Variants in ZNF800 observed in about 807,000 individuals in gnomAD.
ZNF800 encodes the protein zinc finger protein 800.
Under a neutral mutation model 59.5 loss-of-function variants are expected in ZNF800, and 13 were observed. The observed-to-expected ratio is 0.22, with a 90% CI of 0.14 to 0.35. The LOEUF (loss-of-function observed/expected upper bound fraction) is 0.35, where lower values mean the gene tolerates loss of function less well. Among genes scored for constraint, ZNF800 ranks in the 10% least tolerant of loss-of-function variants. ZNF800 has a pLI of 1.00. For missense variants in ZNF800, 621 were observed against 783.7 expected, an observed-to-expected ratio of 0.79 and a Z score of 2.48; for synonymous variants, 266 against 265.7, an observed-to-expected ratio of 1.00 and a Z score of -0.01.
At chr7:127,351,798 A>G (rs1800172829) in intron 1 of ZNF800, among the ~76,000 whole-genome samples, 2 of 152,214 alleles carry the variant, frequency 1.3e-5, no homozygotes, top group Admixed American at 1.3e-4. Context: ...TTCACACTCT[A>G]TGAGAAAGAA....
At chr7:127,386,402 G>A (rs571718921) in intron 2 of ZNF800, among the ~76,000 whole-genome samples, 32 of 152,086 alleles carry the variant, frequency 2.1e-4, no homozygotes, top group Non-Finnish European at 4.3e-4. Flanking sequence ...GCTACTTAAG[G>A]CTAGATATTA....
rs1288074045 is a variant in ZNF800, at chr7:127,392,135, T to TGGGAGGCGGCTGCGGGCCCCACCTGGCGC, written c.-163_-135dup. The TGGGAGGCGGCTGCGGGCCCCACCTGGCGC allele has an allele frequency of 7.6e-6, 3 of 393,950 alleles. No individual in the cohort carries two copies. The highest frequency in any genetic ancestry group is 2.1e-5 in the African/African-American group (1 of 48,244). The allele number at this position is 393,950 out of a possible 1,614,324, so 24.4% of individuals were successfully genotyped here. Reference sequence around the variant, plus strand: ...GGGCGGCCGCGGGGACAGCCTGGCGTGGGAGGCGGCTGCGGGCCCCACCTG... The same window carrying TGGGAGGCGGCTGCGGGCCCCACCTGGCGC: ...GGGCGGCCGCGGGGACAGCCTGGCGTGGGAGGCGGCTGCGGGCCCCACCTGGCGCGGGAGGCGGCTGCGGGCCCCACCTG... On this transcript the variant is annotated 5_prime_UTR_variant, in exon 1 of 6. Coordinates refer to ENST00000265827, the MANE Select transcript of ZNF800 (RefSeq NM_176814.5).
chr7:127,353,584 T>G (rs1800211798), intron 1 of ZNF800, among the ~76,000 whole-genome samples: 1 of 152,192 alleles, frequency 6.6e-6, no homozygotes, highest in Non-Finnish European at 1.5e-5. Flanking sequence ...CAGACAGAAT[T>G]ACCAAGTAAA....
intron 2 of ZNF800, among the ~76,000 whole-genome samples, chr7:127,390,409 G>A (rs1801273012): frequency 6.6e-6 from 1 of 152,164 alleles, no homozygotes; most frequent in Non-Finnish European, 1.5e-5. Flanking sequence ...GTACAGGTAA[G>A]TTATTACTGA....
chr7:127,355,325 T>C (rs1009673198), intron 1 of ZNF800, among the ~76,000 whole-genome samples: 5 of 152,034 alleles, frequency 3.3e-5, no homozygotes, highest in African/African-American at 9.7e-5. Context: ...ACAGGAAGAA[T>C]GGGGACAGGC....
At chr7:127,365,225 G>C (rs73455355), downstream of ZNF800, among the ~76,000 whole-genome samples, 878 of 152,146 alleles carry the variant, frequency 5.8e-3, 8 homozygotes, top group African/African-American at 0.02. Context: ...AGTAGCAATG[G>C]CAGAAGCTAG....
At chr7:127,389,265 A>G (rs532478175) in intron 2 of ZNF800, among the ~76,000 whole-genome samples, 1 of 152,318 alleles carries the variant, frequency 6.6e-6, no homozygotes, top group Non-Finnish European at 1.5e-5. Context: ...TGATGGTTAC[A>G]TCAAGTTCCT....
In ZNF800 at chr7:127,377,186, T is replaced by C; in HGVS notation, c.301A>G (p.Asn101Asp). The C allele has an allele frequency of 1.9e-6, 3 of 1,608,942 alleles. No individual in the cohort carries two copies. The highest frequency in any genetic ancestry group is 2.5e-6 in the Non-Finnish European group (3 of 1,177,726). ...AACTGAGTATATGAATAAAACTTAC[T>C]GTCATCCATCTGGAGACTTGGTGGG... is the stretch of plus-strand genomic sequence containing the variant. Reference protein sequence around the residue: ...YCPPSLQMDDNLPDVNDKQSQ... With the variant: ...YCPPSLQMDDDLPDVNDKQSQ... Residue 101 changes from asparagine (N) to aspartate (D), a missense_variant and splice_region_variant, in exon 4 of 6, where the codon AAC becomes GAC. Asn to Asp is a conservative substitution (Grantham distance 23). Coordinates refer to ENST00000265827, the MANE Select transcript of ZNF800 (RefSeq NM_176814.5). The surrounding 1 kb of genome is among the most constrained non-coding windows in gnomAD (Gnocchi z 4.7).
At chr7:127,363,203 G>A (rs1191814681) in intron 1 of ZNF800, 2 of 152,050 alleles carry the variant, frequency 1.3e-5, no homozygotes, top group Non-Finnish European at 2.9e-5. Context: ...CATTCATGTG[G>A]AGATGTCTGA....
intron 5 of ZNF800, among the ~76,000 whole-genome samples, chr7:127,372,109 A>G (rs1222904101): frequency 6.6e-6 from 1 of 152,220 alleles, no homozygotes; most frequent in Non-Finnish European, 1.5e-5. Context: ...TAGACTTGCG[A>G]AAAGTATAGG....
In ZNF800 at chr7:127,391,519, ATGG is replaced by A; in HGVS notation, c.36_38del (p.His15del). ...TACCTGGTTCACAGCATCCGTGATG[ATGG>A]TGGTCAGTCTGACAGTATTTGTCCC... On this transcript the variant is annotated inframe_deletion, in exon 2 of 6. Coordinates refer to ENST00000265827, the MANE Select transcript of ZNF800 (RefSeq NM_176814.5). 6.2e-7 allele frequency: 1 copy of A among 1,614,170 alleles called. No homozygotes were observed. The highest frequency in any genetic ancestry group is 8.5e-7 in the Non-Finnish European group (1 of 1,180,022).
At chr7:127,390,161 A>T (rs1485345279) in intron 2 of ZNF800, among the ~76,000 whole-genome samples, 3 of 152,220 alleles carry the variant, frequency 2.0e-5, no homozygotes, top group Non-Finnish European at 1.5e-5. Context: ...TTCAATGATT[A>T]AAAGTGTTCT....
Position 127,374,226 on chromosome 7 carries a change from T to C in ZNF800, c.1110A>G (p.Ser370=). 6.2e-7 allele frequency: 1 copy of C among 1,614,132 alleles called. No individual in the cohort carries two copies. Among genetic ancestry groups the C allele is most frequent in the Non-Finnish European group, 8.5e-7 (1 of 1,179,996 alleles). Reference sequence around the variant, plus strand: ...GCATATGTCTTTTAAGCATTATTTGTGAACTATATTTCCTCTTGCAAAGGA... The same window carrying C: ...GCATATGTCTTTTAAGCATTATTTGCGAACTATATTTCCTCTTGCAAAGGA... The part of the protein sequence containing the change: ...KCLLCKRKYS[S]QIMLKRHMQI... The change falls in exon 5 of 6, where the codon TCA becomes TCG. Residue 370 remains serine, a synonymous_variant. Coordinates refer to ENST00000265827, the MANE Select transcript of ZNF800 (RefSeq NM_176814.5).
intron 2 of ZNF800, 133 bp from the exon 3 acceptor site, chr7:127,386,288 G>A (rs6962137): frequency 0.63 from 322,918 of 511,732 alleles, 102,599 homozygotes; most frequent in East Asian, 0.87. Flanking sequence ...ACACACACAC[G>A]CATATATAAT....
At chr7:127,388,760 T>C (rs1006986608) in intron 2 of ZNF800, among the ~76,000 whole-genome samples, 6 of 152,194 alleles carry the variant, frequency 3.9e-5, no homozygotes, top group African/African-American at 1.4e-4. Context: ...ACATTCAAAA[T>C]AAGCCCAGGA....
At chr7:127,366,148 A>G (rs1313414119), downstream of ZNF800, among the ~76,000 whole-genome samples, 2 of 151,984 alleles carry the variant, frequency 1.3e-5, no homozygotes, top group African/African-American at 2.4e-5. Flanking sequence ...GGTCTTCTTG[A>G]CTCTTAAAAA....
chr7:127,361,635 T>C (rs908499287), intron 1 of ZNF800: 1 of 152,002 alleles, frequency 6.6e-6, no homozygotes, highest in Non-Finnish European at 1.5e-5. Context: ...TTCTTAAGAG[T>C]AATCAAGTCA....
intron 5 of ZNF800, chr7:127,373,043 T>A: frequency 1.0e-6 from 1 of 985,150 alleles, no homozygotes. Context: ...TAAGCCAATA[T>A]AAATGTATAT....
At chr7:127,349,646 A>T (rs992657667) in intron 1 of ZNF800, among the ~76,000 whole-genome samples, 9 of 152,236 alleles carry the variant, frequency 5.9e-5, no homozygotes, top group Non-Finnish European at 1.2e-4. Flanking sequence ...CTGGAAGCAT[A>T]CTTTTGGTAA....
Sources: gnomAD v4.1 joint callset for allele counts (sites outside exome capture counted in the v4.1 genomes callset) on GRCh38, gnomAD v4.1.1 for gene constraint, Gnocchi (gnomAD v3.1) non-coding constraint, MANE v1.5 for transcripts, NCBI Gene and HGNC (gene_info 2026-07-23, HGNC 2026-07-21) for gene names.